MED25: variants seen among roughly 807,000 people sequenced by gnomAD.
MED25 encodes the protein mediator complex subunit 25.
A neutral mutation model predicts 89.4 loss-of-function variants in MED25; 62 were observed. That is an observed-to-expected ratio of 0.69 (90% CI 0.57 to 0.86). The LOEUF (loss-of-function observed/expected upper bound fraction) is 0.86. MED25 is among the 40% of genes least tolerant of loss of function. MED25 has a pLI of 0.00. For missense variants in MED25, 905 were observed against 1,005.2 expected (o/e 0.90, Z 1.35); for synonymous variants, 449 against 427.9 (o/e 1.05, Z -0.61).
In MED25 at chr19:49,835,219, C is replaced by T. The variant is rs1421602582; in HGVS notation, c.1674+42C>T. On this transcript the variant is annotated intron_variant, in intron 14 of 17. Transcript: ENST00000312865. This position sits in a 1 kb window ranked among gnomAD's most constrained non-coding sequence, Gnocchi z 6.2. ...CCCAAACCAGCACTCCGACCCCCTCCTGCCCGGGCCCCACATGGCCCCCTG... is the reference window on the plus strand; with the variant it reads ...CCCAAACCAGCACTCCGACCCCCTCTTGCCCGGGCCCCACATGGCCCCCTG... 6 of 1,608,878 alleles carry T rather than the reference C, an allele frequency of 3.7e-6. No homozygotes were observed. The highest frequency in any genetic ancestry group is 5.1e-6 in the Non-Finnish European group (6 of 1,175,868).
intron 3 of MED25, among the ~76,000 whole-genome samples, chr19:49,822,920 T>C (rs1291808460): frequency 6.6e-6 from 1 of 152,120 alleles, no homozygotes; most frequent in African/African-American, 2.4e-5. Context: ...GTGCTGGGAT[T>C]ACAGGCGTGA....
At chr19:49,836,988 C>G, downstream of MED25, 1 of 1,466,102 alleles carries the variant, frequency 6.8e-7, no homozygotes, top group Non-Finnish European at 9.5e-7. This position sits in a 1 kb window ranked among gnomAD's most constrained non-coding sequence, Gnocchi z 5.1. Flanking sequence ...CACGCCCCGG[C>G]TCCCGTCACT....
At chr19:49,822,293 A>T (rs2073988583) in intron 3 of MED25, among the ~76,000 whole-genome samples, 1 of 119,458 alleles carries the variant, frequency 8.4e-6, no homozygotes, top group Non-Finnish European at 1.7e-5. Context: ...AACCATACAA[A>T]AATTAATCAG....
chr19:49,822,466 G>A (rs1341324014), intron 3 of MED25, among the ~76,000 whole-genome samples: 1 of 151,622 alleles, frequency 6.6e-6, no homozygotes, highest in Non-Finnish European at 1.5e-5. Context: ...GTGGAGACAA[G>A]GTCCTGCAAT....
chr19:49,828,387 C>T, intron 3 of MED25, 62 bp from the exon 4 acceptor site: 1 of 1,171,870 alleles, frequency 8.5e-7, no homozygotes, highest in Non-Finnish European at 1.3e-6. Flanking sequence ...GCAGGCTCTT[C>T]AAGCATAGCC....
chr19:49,818,444 C>T lies in MED25; in HGVS notation c.103C>T (p.Leu35Phe). 6.2e-7 allele frequency: 1 copy of T among 1,614,176 alleles called. No individual in the cohort carries two copies. The highest frequency in any genetic ancestry group is 8.5e-7 in the Non-Finnish European group (1 of 1,180,032). ...CAACCTGGGACCCTACTTCGAGGGG[C>T]TCCGCAAGCACTACCTGCTCCCGGC... ...TANLGPYFEG[L>F]RKHYLLPAIE... is the part of the protein sequence containing the mutation. Residue 35 changes from leucine to phenylalanine, a missense_variant, in exon 1 of 18, where the codon CTC becomes TTC. By Grantham distance (22) the Leu-to-Phe change is conservative (BLOSUM62 0). Coordinates refer to ENST00000312865, the MANE Select transcript of MED25 (RefSeq NM_030973.4).
Position 49,819,093 on chromosome 19 carries a change from G to T in MED25, c.181-79G>T, listed in dbSNP as rs540919898. ...GTTCCTGGTTCTGGAGGAACGGGAA[G>T]CTGGGAGCCCTGATTCCTTCTCTAA... is the stretch of plus-strand genomic sequence containing the variant. On this transcript the variant is annotated intron_variant, in intron 2 of 17. Transcript: ENST00000312865. 9 of 1,558,060 alleles carry T rather than the reference G, an allele frequency of 5.8e-6. No homozygotes were observed. In the African/African-American group the frequency reaches 1.2e-4, roughly 21 times the overall value.
In MED25 at chr19:49,836,447, T is replaced by C; in HGVS notation, c.2146+41T>C. 1 of 1,553,156 alleles carries C rather than the reference T, an allele frequency of 6.4e-7. No homozygotes were observed. Among genetic ancestry groups the C allele is most frequent in the Non-Finnish European group, 8.7e-7 (1 of 1,146,526 alleles). The stretch of plus-strand genomic sequence containing the variant: ...GGAGGGCAGAGGTCTGGACTGAGTG[T>C]CCCAGCAGCTCCTGGGCTAGAGCAC... On this transcript the variant is annotated intron_variant, in intron 17 of 17. Transcript: ENST00000312865. This position sits in a 1 kb window ranked among gnomAD's most constrained non-coding sequence, Gnocchi z 5.1.
At chr19:49,823,108 A>G (rs114243848) in intron 3 of MED25, among the ~76,000 whole-genome samples, 2 of 152,090 alleles carry the variant, frequency 1.3e-5, no homozygotes, top group South Asian at 2.1e-4. Context: ...ACCACCATGC[A>G]TGGCTGATTT....
chr19:49,822,278 A>C (rs1399232239), intron 3 of MED25, among the ~76,000 whole-genome samples: 2 of 145,568 alleles, frequency 1.4e-5, no homozygotes, highest in East Asian at 2.0e-4. Flanking sequence ...AAAAAAAAAA[A>C]AAAAAACCAT....
intron 3 of MED25, among the ~76,000 whole-genome samples, chr19:49,823,169 G>A (rs541935674): frequency 3.3e-5 from 5 of 152,230 alleles, no homozygotes; most frequent in Admixed American, 2.0e-4. Context: ...GCTCAGACTG[G>A]TCTTGAACTC....
chr19:49,835,835 C>A lies in MED25; in HGVS notation c.1855C>A (p.Gln619Lys), dbSNP rs769034498. Residue 619 changes from glutamine (Q) to lysine (K), a missense_variant, in exon 16 of 18, where the codon CAA becomes AAA. Physicochemically the swap from Gln to Lys is moderately conservative, Grantham distance 53. Around this residue, in one of 3 missense-constraint regions of MED25, gnomAD observed 271 missense variants for 258.1 expected, o/e 1.05. Transcript: ENST00000312865. This position sits in a 1 kb window ranked among gnomAD's most constrained non-coding sequence, Gnocchi z 6.2. ...GTAQPPPGAP[Q>K]GPPGAASGPP... ...TGCCCAGCCCCCGCCAGGTGCCCCT[C>A]AAGGCCCTCCTGGAGCAGCTTCTGG... 5.6e-6 allele frequency: 9 copies of A among 1,611,696 alleles called. No homozygotes were observed. Among genetic ancestry groups the A allele is most frequent in the Non-Finnish European group, 6.8e-6 (8 of 1,179,146 alleles).
chr19:49,823,074 G>T (rs1255440122), intron 3 of MED25, among the ~76,000 whole-genome samples: 1 of 152,198 alleles, frequency 6.6e-6, no homozygotes, highest in Non-Finnish European at 1.5e-5. Flanking sequence ...TCAGCCTCCT[G>T]AGTACCTAGG....
In MED25 at chr19:49,818,658, G is replaced by A. The variant is rs376485861; in HGVS notation, c.180+42G>A. The stretch of plus-strand genomic sequence containing the variant: ...CTGGGCCTGAGGGAGGAGGGGCCGG[G>A]GGCCTGGACTCCTGGGTCTGAGGGA... On this transcript the variant is annotated intron_variant, in intron 2 of 17. Transcript: ENST00000312865. 20 of 1,579,484 alleles carry A rather than the reference G, an allele frequency of 1.3e-5. No individual in the cohort carries two copies. In the African/African-American group the frequency reaches 2.7e-4, roughly 21 times the overall value.
Position 49,829,696 on chromosome 19 carries a change from C to T in MED25, c.526-90C>T. 1 of 1,393,474 alleles carries T rather than the reference C, an allele frequency of 7.2e-7. No homozygotes were observed. The highest frequency in any genetic ancestry group is 9.9e-7 in the Non-Finnish European group (1 of 1,012,520). 86.3% of individuals were successfully genotyped at this position (1,393,474 alleles called of 1,614,324 possible). On this transcript the variant is annotated intron_variant, in intron 5 of 17. Transcript: ENST00000312865. The surrounding 1 kb of genome is among the most constrained non-coding windows in gnomAD (Gnocchi z 4.6). ...TTGTGGTTGTAGGGCTGGTGCCGTC[C>T]AGCCACACAGCAGTTGTGGTAGGTT...
At position 49,830,961 on chromosome 19, in the gene MED25, C is replaced by G; in HGVS notation, c.1101+74C>G. On this transcript the variant is annotated intron_variant, in intron 9 of 17. Transcript: ENST00000312865. The surrounding 1 kb of genome is among the most constrained non-coding windows in gnomAD (Gnocchi z 4.6). Reference sequence around the variant, plus strand: ...CAGCTAGGACAGTTAGAGGATGAGTCATTTGCCTTCCAGGGGGATGTGGCT... The same window carrying G: ...CAGCTAGGACAGTTAGAGGATGAGTGATTTGCCTTCCAGGGGGATGTGGCT... The G allele has an allele frequency of 5.4e-6, 8 of 1,480,366 alleles. No homozygotes were observed. The highest frequency in any genetic ancestry group is 7.4e-6 in the Non-Finnish European group (8 of 1,074,270). 91.7% of individuals were successfully genotyped at this position (1,480,366 alleles called of 1,614,324 possible).
chr19:49,828,122 G>A (rs1417747024), intron 3 of MED25, among the ~76,000 whole-genome samples: 1 of 152,018 alleles, frequency 6.6e-6, no homozygotes, highest in Non-Finnish European at 1.5e-5. Flanking sequence ...CCAGCTACTC[G>A]GGAGACTGAG....
Position 49,831,796 on chromosome 19 carries a change from T to G in MED25, c.1231-140T>G. On this transcript the variant is annotated intron_variant, in intron 10 of 17. Coordinates refer to ENST00000312865, the MANE Select transcript of MED25 (RefSeq NM_030973.4). The surrounding 1 kb of genome is among the most constrained non-coding windows in gnomAD (Gnocchi z 5.0). ...ATTTGAGGAACTGAAGGCTTGCTGG[T>G]CTGGAGGAGGGGCCTGGGGCTCATG... 1.2e-6 allele frequency: 1 copy of G among 809,858 alleles called. No homozygotes were observed. Among genetic ancestry groups the G allele is most frequent in the East Asian group, 2.6e-5 (1 of 37,738 alleles). 50.2% of individuals were successfully genotyped at this position (809,858 alleles called of 1,614,324 possible).
chr19:49,828,611 TGTC>T, intron 4 of MED25, 64 bp downstream of exon 4: 1 of 1,325,286 alleles, frequency 7.5e-7, no homozygotes, highest in Non-Finnish European at 1.1e-6. Context: ...CCACTTTGCC[TGTC>T]GAGTGGTTCT....
Sources: gnomAD v4.1 joint callset for allele counts (sites outside exome capture counted in the v4.1 genomes callset) on GRCh38, gnomAD v4.1.1 for gene constraint, gnomAD v4.1.1 regional missense constraint, Gnocchi (gnomAD v3.1) non-coding constraint, MANE v1.5 for transcripts, NCBI Gene and HGNC (gene_info 2026-07-23, HGNC 2026-07-21) for gene names.